Variants in PHF3 observed in about 807,000 individuals in gnomAD.
PHF3 encodes the protein PHD finger protein 3.
A neutral mutation model predicts 178.4 loss-of-function variants in PHF3; 41 were observed. That is an observed-to-expected ratio of 0.23 (90% CI 0.18 to 0.30). PHF3 has a LOEUF of 0.30. Ranked by LOEUF, PHF3 falls within the 10% of genes least tolerant of loss-of-function variation. The probability of loss-of-function intolerance (pLI) is 1.00; values close to 1 mark genes in which losing one functional copy is unlikely to be tolerated. For synonymous variants in PHF3, 842 were observed against 800.5 expected (o/e 1.05, Z -0.88); for missense variants, 2,346 against 2,398.1 (o/e 0.98, Z 0.45).
chr6:63,687,238 A>G (rs1766753101), intron 4 of PHF3, among the ~76,000 whole-genome samples: 1 of 152,188 alleles, frequency 6.6e-6, no homozygotes, highest in African/African-American at 2.4e-5. Context: ...AGCCTGGCCA[A>G]CATGGTGAAA....
At position 63,724,561 on chromosome 6, in the gene PHF3, A is replaced by G. The variant is rs184966218; in HGVS notation, c.*10853A>G. Among the ~76,000 whole-genome samples the G allele has an allele frequency of 6.6e-6, 1 of 152,160 alleles. No homozygotes were observed. Among genetic ancestry groups the G allele is most frequent in the Non-Finnish European group, 1.5e-5 (1 of 68,008 alleles). On this transcript the variant is annotated 3_prime_UTR_variant, in exon 16 of 16. Coordinates refer to ENST00000262043, the MANE Select transcript of PHF3 (RefSeq NM_001370348.2). Reference sequence around the variant, plus strand: ...TTAATTTGTGCTTAACAAAATGTTGATAATTTTTATATATCAAAAATCTTT... The same window carrying G: ...TTAATTTGTGCTTAACAAAATGTTGGTAATTTTTATATATCAAAAATCTTT...
chr6:63,683,631 A>T (rs927212115), intron 3 of PHF3, among the ~76,000 whole-genome samples: 1 of 152,128 alleles, frequency 6.6e-6, no homozygotes, highest in African/African-American at 2.4e-5. Context: ...AGTCCGTTTG[A>T]GGCTGTATTT....
chr6:63,645,576 G>A (rs1764749716), intron 1 of PHF3, among the ~76,000 whole-genome samples: 1 of 152,136 alleles, frequency 6.6e-6, no homozygotes, highest in Admixed American at 6.5e-5. Context: ...AAGGAGCCCA[G>A]GATGTTATAG....
rs570572113 is a variant in PHF3 at position 63,703,389 on chromosome 6, T to TA, written c.3232-138dup. ...TAGCATTCATTTTCTTAAGAAATAGTAAAAAAAAACCAAAAAACAAAAATC... is the reference window on the plus strand; with the variant it reads ...TAGCATTCATTTTCTTAAGAAATAGTAAAAAAAAAACCAAAAAACAAAAATC... On this transcript the variant is annotated intron_variant, in intron 10 of 15. Coordinates refer to ENST00000262043, the MANE Select transcript of PHF3 (RefSeq NM_001370348.2). 4.4e-3 allele frequency: 3,271 copies of TA among 740,014 alleles called. 45 individuals carry two copies. The highest frequency in any genetic ancestry group is 0.04 in the African/African-American group (2,111 of 53,144). 45.8% of individuals were successfully genotyped at this position (740,014 alleles called of 1,614,324 possible).
chr6:63,683,721 T>G (rs1321342734), intron 3 of PHF3, among the ~76,000 whole-genome samples: 2 of 152,108 alleles, frequency 1.3e-5, no homozygotes, highest in Non-Finnish European at 2.9e-5. Context: ...TTTGGTTTTA[T>G]ATATTTAGAA....
chr6:63,686,239 T>C (rs1391239840), intron 4 of PHF3: 3 of 257,430 alleles, frequency 1.2e-5, no homozygotes, highest in Admixed American at 5.0e-5. Context: ...TGGAAAATTG[T>C]TATACTGCTT....
chr6:63,689,939 T>G (rs1766923541), intron 4 of PHF3, among the ~76,000 whole-genome samples: 1 of 152,180 alleles, frequency 6.6e-6, no homozygotes, highest in Non-Finnish European at 1.5e-5. Flanking sequence ...TTAGCTTTCC[T>G]TCAGCATTTC....
At chr6:63,684,061 T>C in intron 3 of PHF3, 68 bp from the exon 4 acceptor site, 1 of 1,213,732 alleles carries the variant, frequency 8.2e-7, no homozygotes, top group South Asian at 1.5e-5. Context: ...ATATTCTAAA[T>C]TGTATTGAAA....
At chr6:63,675,716 G>A (rs1766135696) in intron 2 of PHF3, among the ~76,000 whole-genome samples, 2 of 152,174 alleles carry the variant, frequency 1.3e-5, no homozygotes, top group African/African-American at 4.8e-5. Flanking sequence ...CCAAGAGGTT[G>A]TTCAATGATA....
intron 2 of PHF3, among the ~76,000 whole-genome samples, chr6:63,662,394 A>G (rs1025933197): frequency 6.6e-6 from 1 of 152,168 alleles, no homozygotes; most frequent in Admixed American, 6.5e-5. Flanking sequence ...GCTGAGTAAA[A>G]TTCATCAATT....
chr6:63,708,349 AG>A, intron 13 of PHF3, among the ~76,000 whole-genome samples: 1 of 151,930 alleles, frequency 6.6e-6, no homozygotes. Context: ...TTAAACGGAG[AG>A]GTAAGCCCTT....
At chr6:63,637,959 A>G (rs1362396120) in intron 1 of PHF3, among the ~76,000 whole-genome samples, 1 of 152,142 alleles carries the variant, frequency 6.6e-6, no homozygotes, top group African/African-American at 2.4e-5. Context: ...GCTTTTGCAT[A>G]CACGTGAATT....
chr6:63,678,323 A>G (rs1020501368), intron 2 of PHF3, among the ~76,000 whole-genome samples: 14 of 152,206 alleles, frequency 9.2e-5, no homozygotes, highest in Admixed American at 9.2e-4. Flanking sequence ...TCATGGTGGA[A>G]TAGCCTAACT....
chr6:63,701,159 T>C (rs1349784489), intron 9 of PHF3, among the ~76,000 whole-genome samples: 1 of 152,196 alleles, frequency 6.6e-6, no homozygotes, highest in Non-Finnish European at 1.5e-5. Flanking sequence ...TTATCTCTTA[T>C]CCAAAGTTTC....
chr6:63,666,001 A>G (rs930969391), intron 2 of PHF3, among the ~76,000 whole-genome samples: 4 of 152,284 alleles, frequency 2.6e-5, no homozygotes, highest in South Asian at 2.1e-4. Flanking sequence ...ACTAGTGGCA[A>G]TCTGATTAAA....
chr6:63,651,805 A>G (rs538031898), intron 2 of PHF3, among the ~76,000 whole-genome samples: 57 of 152,188 alleles, frequency 3.7e-4, no homozygotes, highest in South Asian at 3.5e-3. Flanking sequence ...AGCATGCGGT[A>G]TTTATATTTC....
chr6:63,702,359 G>A (rs375498131), intron 9 of PHF3, 149 bp from the exon 10 acceptor site: 74 of 476,224 alleles, frequency 1.6e-4, no homozygotes, highest in African/African-American at 1.4e-3. Context: ...AAAGTACTCA[G>A]AATATGTTTG....
At chr6:63,649,455 A>T (rs1338045940) in intron 2 of PHF3, among the ~76,000 whole-genome samples, 1 of 152,202 alleles carries the variant, frequency 6.6e-6, no homozygotes. Flanking sequence ...AAAGCTATAG[A>T]CTGTGGCTAT....
rs755150277 is a variant in PHF3, at chr6:63,694,592, A to G, written c.2508A>G (p.Glu836=). The change falls in exon 6 of 16, where the codon GAA becomes GAG. Residue 836 remains glutamate, a synonymous_variant. Coordinates refer to ENST00000262043, the MANE Select transcript of PHF3 (RefSeq NM_001370348.2). ...KVKILKRESG[E]GRNSSDCRDN... is the part of the protein sequence containing the mutation. ...TACTCATTTTCCAGGAGTCTGGTGA[A>G]GGCAGAAATTCATCAGACTGTAGAG... 3 of 1,517,358 alleles carry G rather than the reference A, an allele frequency of 2.0e-6. No homozygotes were observed. Among genetic ancestry groups the G allele is most frequent in the South Asian group, 2.7e-5 (2 of 74,624 alleles). 94.0% of individuals were successfully genotyped at this position (1,517,358 alleles called of 1,614,324 possible). A position where few individuals can be genotyped will look rare whatever the true frequency, so the allele number is the denominator to read the frequency against.
Sources: allele counts gnomAD v4.1 joint callset (sites outside exome capture counted in the v4.1 genomes callset), GRCh38; gene constraint gnomAD v4.1.1; transcripts MANE v1.5; gene names NCBI Gene and HGNC (gene_info 2026-07-23, HGNC 2026-07-21).